The following ACOT12 variants were observed in gnomAD, a reference collection of about 807,000 sequenced individuals.
ACOT12 encodes acetyl-coenzyme A thioesterase.
In ACOT12, 51 loss-of-function variants were observed where a neutral mutation model predicts 67.7. That is an observed-to-expected ratio of 0.75 (90% CI 0.60 to 0.95). ACOT12 has a LOEUF of 0.95. Ranked by LOEUF, ACOT12 falls within the 40% of genes least tolerant of loss-of-function variation. The probability of loss-of-function intolerance (pLI) is 0.00; values close to 1 mark genes in which losing one functional copy is unlikely to be tolerated. For synonymous variants in ACOT12, 251 were observed against 244.6 expected (o/e 1.03, Z -0.24); for missense variants, 734 against 708.1 (o/e 1.04, Z -0.41).
chr5:81,389,153 G>C (rs1421950511), intron 1 of ACOT12, among the ~76,000 whole-genome samples: 1 of 152,148 alleles, frequency 6.6e-6, no homozygotes, highest in African/African-American at 2.4e-5. Flanking sequence ...TAATACACTA[G>C]GTGGGGTATC....
chr5:81,379,833 C>T (rs2153858211), intron 2 of ACOT12, among the ~76,000 whole-genome samples: 1 of 152,138 alleles, frequency 6.6e-6, no homozygotes, highest in East Asian at 1.9e-4. Context: ...TTCCTGGGGT[C>T]AAGCGATCTT....
intron 3 of ACOT12, among the ~76,000 whole-genome samples, chr5:81,369,600 G>C (rs187864467): frequency 6.6e-6 from 1 of 152,158 alleles, no homozygotes; most frequent in Non-Finnish European, 1.5e-5. Context: ...TCTGCACGGC[G>C]GATCAGGCCT....
chr5:81,339,571 T>C (rs528725761), intron 11 of ACOT12, among the ~76,000 whole-genome samples: 1 of 152,334 alleles, frequency 6.6e-6, no homozygotes, highest in South Asian at 2.1e-4. Flanking sequence ...TTCAAGGAGG[T>C]AAGAATGGCC....
intron 2 of ACOT12, among the ~76,000 whole-genome samples, chr5:81,385,259 C>G (rs2153859755): frequency 6.6e-6 from 1 of 151,888 alleles, no homozygotes; most frequent in East Asian, 1.9e-4. Flanking sequence ...TCAGCCTGGA[C>G]AAGATGATGA....
the ACOT12 span, among the ~76,000 whole-genome samples, chr5:81,321,589 C>T: frequency 6.6e-6 from 1 of 152,010 alleles, no homozygotes; most frequent in Non-Finnish European, 1.5e-5. Flanking sequence ...TAAAAAGTAA[C>T]CAATAGAAAC....
intron 2 of ACOT12, among the ~76,000 whole-genome samples, chr5:81,375,822 C>G (rs1271669335): frequency 6.6e-6 from 1 of 152,118 alleles, no homozygotes; most frequent in East Asian, 1.9e-4. Context: ...AATACAGGAG[C>G]ACCCAGATTC....
intron 12 of ACOT12, among the ~76,000 whole-genome samples, chr5:81,334,645 A>C (rs1361882716): frequency 6.6e-6 from 1 of 152,238 alleles, no homozygotes; most frequent in South Asian, 2.1e-4. Context: ...TGAGTTTTAG[A>C]AAATTTGAAG....
chr5:81,365,237 G>A (rs781684737), intron 3 of ACOT12, among the ~76,000 whole-genome samples: 1 of 152,050 alleles, frequency 6.6e-6, no homozygotes, highest in Non-Finnish European at 1.5e-5. Context: ...TGTTATCAAC[G>A]ATAAAGAATA....
the ACOT12 span, among the ~76,000 whole-genome samples, chr5:81,319,715 C>CA: frequency 0.028 from 3,250 of 117,032 alleles, 111 homozygotes; most frequent in African/African-American, 0.088. Context: ...GAAACTGTCT[C>CA]AAAAAAAAAA....
At chr5:81,326,509 A>G (rs79091366), downstream of ACOT12, among the ~76,000 whole-genome samples, 2,306 of 152,292 alleles carry the variant, frequency 0.015, 49 homozygotes, top group African/African-American at 0.053. Context: ...ATGAAGGACT[A>G]TATTACTCAT....
intron 2 of ACOT12, among the ~76,000 whole-genome samples, chr5:81,380,846 T>C (rs992856685): frequency 2.0e-5 from 3 of 152,106 alleles, no homozygotes; most frequent in Admixed American, 2.0e-4. Flanking sequence ...TAGGTGATTT[T>C]GTTGTTGTGG....
chr5:81,321,312 A>G, the ACOT12 span, among the ~76,000 whole-genome samples: 1 of 152,198 alleles, frequency 6.6e-6, no homozygotes, highest in Non-Finnish European at 1.5e-5. Flanking sequence ...CTGTGTCCTC[A>G]TATGGTAGAA....
chr5:81,386,638 A>G (rs1216566554), intron 1 of ACOT12, among the ~76,000 whole-genome samples: 1 of 152,204 alleles, frequency 6.6e-6, no homozygotes, highest in Non-Finnish European at 1.5e-5. Flanking sequence ...TATTGGCTTT[A>G]TAAGAACTTT....
At chr5:81,387,030 TAG>T (rs1401291614) in intron 1 of ACOT12, among the ~76,000 whole-genome samples, 2 of 139,008 alleles carry the variant, frequency 1.4e-5, no homozygotes, top group African/African-American at 2.7e-5. Context: ...TTTTTTCAGA[TAG>T]AGTCTCACTG....
intron 2 of ACOT12, among the ~76,000 whole-genome samples, chr5:81,378,583 T>G (rs1291925391): frequency 6.6e-6 from 1 of 152,024 alleles, no homozygotes; most frequent in Non-Finnish European, 1.5e-5. Context: ...CTACAATCTA[T>G]CCATCTGACA....
chr5:81,370,061 T>A (rs370085707), intron 3 of ACOT12, among the ~76,000 whole-genome samples: 1 of 152,244 alleles, frequency 6.6e-6, no homozygotes, highest in South Asian at 2.1e-4. Context: ...GGTGGGCAGA[T>A]CATGAGGTCA....
intron 5 of ACOT12, among the ~76,000 whole-genome samples, chr5:81,356,891 G>A (rs1453622689): frequency 6.6e-6 from 1 of 151,720 alleles, no homozygotes; most frequent in Non-Finnish European, 1.5e-5. Flanking sequence ...ACCATATTAA[G>A]TGCAAACCCA....
At chr5:81,355,388 G>A (rs990646988) in intron 5 of ACOT12, among the ~76,000 whole-genome samples, 2 of 152,218 alleles carry the variant, frequency 1.3e-5, no homozygotes, top group African/African-American at 4.8e-5. Context: ...GCATAACACA[G>A]AAGGACATCC....
chr5:81,364,435 T>C (rs1435822399), intron 3 of ACOT12, among the ~76,000 whole-genome samples: 1 of 152,146 alleles, frequency 6.6e-6, no homozygotes, highest in Non-Finnish European at 1.5e-5. Flanking sequence ...TCTAATTTTT[T>C]TTTTTTGTTT....
Sources: gnomAD v4.1 joint callset for allele counts (sites outside exome capture counted in the v4.1 genomes callset) on GRCh38, gnomAD v4.1.1 for gene constraint, MANE v1.5 for transcripts, NCBI Gene and HGNC (gene_info 2026-07-23, HGNC 2026-07-21) for gene names.